EPM2A: variants seen among roughly 807,000 people sequenced by gnomAD.
EPM2A encodes the protein EPM2A glucan phosphatase, laforin.
EPM2A carries 21 observed loss-of-function variants against 26.5 expected under a neutral mutation model. The observed-to-expected ratio is 0.79, with a 90% CI of 0.56 to 1.14. The LOEUF is 1.14. Ranked by LOEUF, EPM2A falls within the 50% of genes most tolerant of loss-of-function variation. The pLI, the probability that EPM2A is intolerant of heterozygous loss-of-function variation, is 0.00. For missense variants in EPM2A, 458 were observed against 440.8 expected, an observed-to-expected ratio of 1.04 and a Z score of -0.35; for synonymous variants, 217 against 177.6, an observed-to-expected ratio of 1.22 and a Z score of -1.76.
intron 2 of EPM2A, among the ~76,000 whole-genome samples, chr6:145,595,134 G>C (rs1781325484): frequency 6.6e-6 from 1 of 151,336 alleles, no homozygotes; most frequent in Admixed American, 6.6e-5. Flanking sequence ...TTGTTATCTT[G>C]GAACTATAAT....
At position 145,397,998 on chromosome 6, in the gene EPM2A, C is replaced by T. The variant is rs74727700; in HGVS notation, c.556-13901G>A. ...ACATTTAGTGTTTTAGGAATTTTCA[C>T]AGTTATCATTTTCTTACATAAAGTA... On this transcript the variant is annotated intron_variant, in intron 4 of 4. Coordinates refer to the EPM2A transcript ENST00000638717. 1.9e-3 allele frequency among the ~76,000 whole-genome samples: 293 copies of T among 152,246 alleles called. No individual in the cohort carries two copies. The East Asian group carries it at 0.03, about 15-fold the overall frequency.
At chr6:145,529,250 A>G (rs1780321236) in intron 2 of EPM2A, among the ~76,000 whole-genome samples, 1 of 152,202 alleles carries the variant, frequency 6.6e-6, no homozygotes, top group East Asian at 1.9e-4. Flanking sequence ...AGTGGAAAAG[A>G]TTAGCTCCAA....
intron 2 of EPM2A, among the ~76,000 whole-genome samples, chr6:145,531,525 G>A (rs1780355327): frequency 6.6e-6 from 1 of 152,132 alleles, no homozygotes; most frequent in African/African-American, 2.4e-5. Flanking sequence ...GCAGTTTTAT[G>A]GAAAGATGTA....
At chr6:145,480,011 T>G (rs1427418974) in intron 4 of EPM2A, among the ~76,000 whole-genome samples, 3 of 152,066 alleles carry the variant, frequency 2.0e-5, no homozygotes, top group Non-Finnish European at 4.4e-5. Flanking sequence ...TAATGATTAG[T>G]ATTGCTCAGC....
chr6:145,506,944 T>A (rs9376945), intron 2 of EPM2A, among the ~76,000 whole-genome samples: 54,292 of 151,964 alleles, frequency 0.36, 10,238 homozygotes, highest in South Asian at 0.51. Flanking sequence ...ATGGAGAGCA[T>A]CTAGGCCATC....
At chr6:145,614,264 G>A (rs1168296582) in intron 2 of EPM2A, among the ~76,000 whole-genome samples, 3 of 152,220 alleles carry the variant, frequency 2.0e-5, no homozygotes, top group Admixed American at 1.3e-4. Context: ...ATTGAAGAGA[G>A]TTAGGGCTTT....
chr6:145,490,333 G>A, intron 4 of EPM2A: 1 of 1,437,774 alleles, frequency 7.0e-7, no homozygotes. Context: ...TGCAGACATG[G>A]CATTTATAGA....
chr6:145,400,269 C>T (rs950413371), intron 4 of EPM2A, among the ~76,000 whole-genome samples: 7 of 152,128 alleles, frequency 4.6e-5, no homozygotes, highest in African/African-American at 1.7e-4. Flanking sequence ...AAACACAATC[C>T]TAAGACACCC....
At position 145,617,817 on chromosome 6, in the gene EPM2A, C is replaced by T. The variant is rs4896826; in HGVS notation, c.340+17428G>A. Among the ~76,000 whole-genome samples the T allele has an allele frequency of 3.3e-5, 5 of 152,154 alleles. No individual in the cohort carries two copies. The East Asian group carries it at 5.8e-4, about 18-fold the overall frequency. ...ATTAGCCTAGTATGATGGCAAACACCGGTAGTCCCAGATACTCAAGAAGCT... is the reference window on the plus strand; with the variant it reads ...ATTAGCCTAGTATGATGGCAAACACTGGTAGTCCCAGATACTCAAGAAGCT... On this transcript the variant is annotated intron_variant, in intron 2 of 3. Coordinates refer to the EPM2A transcript ENST00000450221.
chr6:145,578,622 C>T (rs1262408916), intron 2 of EPM2A, among the ~76,000 whole-genome samples: 3 of 152,108 alleles, frequency 2.0e-5, no homozygotes, highest in African/African-American at 7.2e-5. Flanking sequence ...AGGACTAATA[C>T]CAATCCTACC....
At chr6:145,408,946 T>C (rs1778606356) in intron 4 of EPM2A, among the ~76,000 whole-genome samples, 1 of 152,122 alleles carries the variant, frequency 6.6e-6, no homozygotes, top group African/African-American at 2.4e-5. Flanking sequence ...TACCATTTCT[T>C]TGGGGTCTAG....
chr6:145,389,225 G>A (rs1288744315), intron 4 of EPM2A, among the ~76,000 whole-genome samples: 1 of 148,710 alleles, frequency 6.7e-6, no homozygotes, highest in African/African-American at 2.5e-5. Flanking sequence ...TTTTAAGATG[G>A]ATTCTTACTC....
At chr6:145,520,116 A>G (rs978503522) in intron 2 of EPM2A, among the ~76,000 whole-genome samples, 1 of 152,240 alleles carries the variant, frequency 6.6e-6, no homozygotes, top group Non-Finnish European at 1.5e-5. Context: ...TTTCCTGAGT[A>G]TAAATATAAT....
chr6:145,484,990 A>AAT (rs35889967), intron 4 of EPM2A, among the ~76,000 whole-genome samples: 4,094 of 146,576 alleles, frequency 0.028, 201 homozygotes, highest in African/African-American at 0.098. Context: ...ATGACATTAA[A>AAT]ATATATATAT....
chr6:145,724,294 GAAC>G (rs1776090090), intron 1 of EPM2A, among the ~76,000 whole-genome samples: 1 of 152,096 alleles, frequency 6.6e-6, no homozygotes, highest in Non-Finnish European at 1.5e-5. Flanking sequence ...TATCAGCAAA[GAAC>G]AACTGAAATT....
intron 3 of EPM2A, chr6:145,502,443 A>G: frequency 2.2e-6 from 1 of 460,252 alleles, no homozygotes; most frequent in Non-Finnish European, 4.4e-6. Context: ...CACAGCCCCC[A>G]AATATATGAC....
intron 4 of EPM2A, among the ~76,000 whole-genome samples, chr6:145,478,579 C>A (rs374819197): frequency 1.3e-5 from 2 of 151,766 alleles, no homozygotes; most frequent in Non-Finnish European, 3.0e-5. Flanking sequence ...TAAAAACAGA[C>A]ACATAGGCCA....
At chr6:145,608,771 T>TACTCTCAG (rs1775325800) in intron 2 of EPM2A, among the ~76,000 whole-genome samples, 1 of 152,174 alleles carries the variant, frequency 6.6e-6, no homozygotes, top group Non-Finnish European at 1.5e-5. Context: ...TAAAAAGAGC[T>TACTCTCAG]ACTCTCAGAC....
intron 1 of EPM2A, among the ~76,000 whole-genome samples, chr6:145,717,823 A>C (rs1227264255): frequency 6.6e-6 from 1 of 151,418 alleles, no homozygotes; most frequent in African/African-American, 2.4e-5. Context: ...ATACACCAAT[A>C]ACAGACAAAC....
Sources: allele counts gnomAD v4.1 joint callset (sites outside exome capture counted in the v4.1 genomes callset), GRCh38; gene constraint gnomAD v4.1.1; transcripts MANE v1.5; gene names NCBI Gene and HGNC (gene_info 2026-07-23, HGNC 2026-07-21).